GATA4: variants seen among roughly 807,000 people sequenced by gnomAD.
GATA4 encodes transcription factor GATA-4.
GATA4 carries 7 observed loss-of-function variants against 37.9 expected under a neutral mutation model. The ratio of observed to expected loss-of-function variants is 0.18; its 90% confidence interval spans 0.11 to 0.35. The LOEUF is 0.35. Ranked by LOEUF, GATA4 falls within the 10% of genes least tolerant of loss-of-function variation. GATA4 has a pLI of 1.00. For missense variants in GATA4, 647 were observed against 653.0 expected, an observed-to-expected ratio of 0.99 and a Z score of 0.10; for synonymous variants, 372 against 292.6, an observed-to-expected ratio of 1.27 and a Z score of -2.77.
intron 2 of GATA4, among the ~76,000 whole-genome samples, chr8:11,735,535 G>C (rs911935265): frequency 1.8e-4 from 27 of 152,164 alleles, no homozygotes; most frequent in African/African-American, 6.0e-4. Context: ...GGTGATGGTG[G>C]AGACTTTTTG....
At chr8:11,746,233 A>G (rs1802022944) in intron 2 of GATA4, among the ~76,000 whole-genome samples, 1 of 152,074 alleles carries the variant, frequency 6.6e-6, no homozygotes, top group Non-Finnish European at 1.5e-5. Context: ...GTCTCAAAAA[A>G]AAAAGGAAAA....
At chr8:11,728,580 G>A (rs1333292752) in intron 2 of GATA4, among the ~76,000 whole-genome samples, 1 of 150,432 alleles carries the variant, frequency 6.6e-6, no homozygotes, top group Non-Finnish European at 1.5e-5. Flanking sequence ...GCAGGGTCTT[G>A]CTCTGTTGCC....
At chr8:11,679,585 G>A (rs1798888581) in intron 1 of GATA4, among the ~76,000 whole-genome samples, 1 of 152,156 alleles carries the variant, frequency 6.6e-6, no homozygotes, top group Admixed American at 6.5e-5. Context: ...GCGCAGCCGG[G>A]GAGAGGAGCT....
intron 1 of GATA4, chr8:11,698,089 C>T: frequency 2.4e-6 from 2 of 837,362 alleles, no homozygotes; most frequent in Non-Finnish European, 2.9e-6. Flanking sequence ...CGCTTTCTGG[C>T]GTCCGTCCTC....
chr8:11,680,752 T>G, intron 1 of GATA4: 4 of 985,276 alleles, frequency 4.1e-6, no homozygotes, highest in Non-Finnish European at 4.8e-6. Flanking sequence ...GAGCCCGGCT[T>G]CTGCGCACCC....
intron 1 of GATA4, among the ~76,000 whole-genome samples, chr8:11,681,800 G>C (rs982828890): frequency 6.6e-6 from 1 of 151,964 alleles, no homozygotes; most frequent in Admixed American, 6.6e-5. Context: ...TTGCCTGCCT[G>C]TCTTCTTTCC....
intron 1 of GATA4, chr8:11,681,347 T>G: frequency 1.0e-6 from 1 of 985,308 alleles, no homozygotes; most frequent in Non-Finnish European, 1.2e-6. Flanking sequence ...CCATCAAATT[T>G]CCAGCACTCG....
intron 1 of GATA4, among the ~76,000 whole-genome samples, chr8:11,679,691 G>C (rs4376467): frequency 0.68 from 103,832 of 152,012 alleles, 36,105 homozygotes; most frequent in Middle Eastern, 0.76. Context: ...TGGGCCGGGT[G>C]CTGGGCGAAC....
chr8:11,758,471 C>G lies in GATA4; in HGVS notation c.1328C>G (p.Ala443Gly), dbSNP rs146017816. 4.3e-5 allele frequency: 69 copies of G among 1,613,986 alleles called. No homozygotes were observed. Among genetic ancestry groups the G allele is most frequent in the Non-Finnish European group, 5.1e-6 (6 of 1,179,956 alleles). The change falls in exon 7 of 7, where the codon GCG becomes GGG. Residue 443 changes from alanine (A) to glycine (G), a missense_variant. This residue lies in a region of GATA4 where 184 missense variants were observed against 157.1 expected (regional missense o/e 1.17). Transcript: ENST00000532059. ...LADSHGDIIT[A>G] is the part of the protein sequence containing the mutation. ...GACAGTCACGGGGACATAATCACTGCGTAATCTTCCCTCTTCCCTCCTCAA... is the reference window on the plus strand; with the variant it reads ...GACAGTCACGGGGACATAATCACTGGGTAATCTTCCCTCTTCCCTCCTCAA...
intron 2 of GATA4, among the ~76,000 whole-genome samples, chr8:11,722,485 T>G (rs1341147862): frequency 2.6e-5 from 4 of 152,272 alleles, no homozygotes; most frequent in Non-Finnish European, 4.4e-5. Flanking sequence ...TTGTCTTTAA[T>G]GCCTTGTTCC....
At chr8:11,752,337 G>A (rs73205195) in intron 4 of GATA4, among the ~76,000 whole-genome samples, 13,452 of 152,212 alleles carry the variant, frequency 0.088, 827 homozygotes, top group Non-Finnish European at 0.13. Context: ...ATTAAAAAGT[G>A]GCTTAATGGA....
At chr8:11,678,441 C>T (rs1284077403) in intron 1 of GATA4, among the ~76,000 whole-genome samples, 1 of 152,224 alleles carries the variant, frequency 6.6e-6, no homozygotes, top group Admixed American at 6.5e-5. Context: ...CTTTCCCCTG[C>T]CCAACTCTCT....
At chr8:11,721,953 C>T (rs939232589) in intron 2 of GATA4, among the ~76,000 whole-genome samples, 4 of 152,196 alleles carry the variant, frequency 2.6e-5, no homozygotes, top group African/African-American at 9.7e-5. Context: ...ATTTGAACCT[C>T]TCTCACTTTG....
chr8:11,686,274 A>G (rs999108209), intron 1 of GATA4, among the ~76,000 whole-genome samples: 2 of 151,870 alleles, frequency 1.3e-5, no homozygotes, highest in Non-Finnish European at 2.9e-5. Context: ...TAAAAGTAAC[A>G]TCGAGATAAA....
At chr8:11,755,431 T>G (rs1036514492) in intron 5 of GATA4, among the ~76,000 whole-genome samples, 1 of 152,254 alleles carries the variant, frequency 6.6e-6, no homozygotes, top group African/African-American at 2.4e-5. Context: ...AGAGGAACTT[T>G]ACTCGGTCCT....
chr8:11,757,620 GC>G (rs950981819), intron 6 of GATA4, among the ~76,000 whole-genome samples: 1 of 152,234 alleles, frequency 6.6e-6, no homozygotes, highest in African/African-American at 2.4e-5. Context: ...CCTGCAGAGG[GC>G]AGGCAGGGCA....
At chr8:11,747,061 T>C (rs1802068279) in intron 2 of GATA4, among the ~76,000 whole-genome samples, 1 of 152,230 alleles carries the variant, frequency 6.6e-6, no homozygotes, top group Non-Finnish European at 1.5e-5. Context: ...ACTCCCGAGC[T>C]GGGTCCTGTT....
Position 11,696,596 on chromosome 8 carries a change from A to T in GATA4, c.-728-3912A>T, listed in dbSNP as rs138607323. 2.0e-3 allele frequency among the ~76,000 whole-genome samples: 308 copies of T among 152,352 alleles called. 3 individuals carry two copies. Among genetic ancestry groups the T allele is most frequent in the African/African-American group, 7.2e-3 (301 of 41,574 alleles). ...GAAAATAACAACAATACTACTTTAG[A>T]GTTTAAAGTTTAAAACACAACTTAT... is the stretch of plus-strand genomic sequence containing the variant. On this transcript the variant is annotated intron_variant, in intron 1 of 2. Transcript: ENST00000526974.
At chr8:11,714,562 T>G (rs1301800980) in intron 2 of GATA4, among the ~76,000 whole-genome samples, 1 of 152,034 alleles carries the variant, frequency 6.6e-6, no homozygotes, top group Admixed American at 6.6e-5. Context: ...TCAGTCAGAG[T>G]TGGGGTTGGT....
Sources: allele counts gnomAD v4.1 joint callset (sites outside exome capture counted in the v4.1 genomes callset), GRCh38; gene constraint gnomAD v4.1.1; regional missense constraint gnomAD v4.1.1; transcripts MANE v1.5; gene names NCBI Gene and HGNC (gene_info 2026-07-23, HGNC 2026-07-21).